Variants in EPHB1 observed in about 807,000 individuals in gnomAD.
EPHB1 encodes the protein ephrin type-B receptor 1.
In EPHB1, 30 loss-of-function variants were observed where a neutral mutation model predicts 94.4. That is an observed-to-expected ratio of 0.32 (90% CI 0.24 to 0.43). The LOEUF (loss-of-function observed/expected upper bound fraction) is 0.43. EPHB1 is among the 20% of genes least tolerant of loss of function. The probability of loss-of-function intolerance (pLI) is 1.00; values close to 1 mark genes in which losing one functional copy is unlikely to be tolerated. For synonymous variants in EPHB1, 522 were observed against 489.1 expected (o/e 1.07, Z -0.89); for missense variants, 1,055 against 1,308.3 (o/e 0.81, Z 2.99).
chr3:134,941,447 G>T (rs1236504560), intron 2 of EPHB1, among the ~76,000 whole-genome samples: 2 of 149,976 alleles, frequency 1.3e-5, no homozygotes, highest in Non-Finnish European at 3.0e-5. Context: ...GTCTTTAGAG[G>T]CACAGAGTGG....
chr3:134,856,198 A>G (rs1037250890), intron 1 of EPHB1, among the ~76,000 whole-genome samples: 5 of 152,104 alleles, frequency 3.3e-5, no homozygotes. Context: ...GGGCTTTGAG[A>G]CGTCTAGACA....
At chr3:134,926,133 C>T (rs36186) in intron 2 of EPHB1, among the ~76,000 whole-genome samples, 1 of 151,952 alleles carries the variant, frequency 6.6e-6, no homozygotes, top group East Asian at 1.9e-4. Flanking sequence ...CTAGGGCCAT[C>T]GCTGTGTGGG....
At chr3:134,857,709 A>G (rs2037153807) in intron 1 of EPHB1, among the ~76,000 whole-genome samples, 2 of 152,128 alleles carry the variant, frequency 1.3e-5, no homozygotes, top group South Asian at 4.1e-4. Context: ...CACCAAGTAC[A>G]TTCCAAGGGT....
chr3:134,963,022 C>G lies in EPHB1; in HGVS notation c.805+10970C>G, dbSNP rs376684117. On this transcript the variant is annotated intron_variant, in intron 3 of 15. Transcript: ENST00000398015. ...ATATGTCTGTTTGGTTTTTGTCCCC[C>G]TGCTCTGTGGCAGCTCTTTCTATCT... 2.0e-5 allele frequency among the ~76,000 whole-genome samples: 3 copies of G among 152,226 alleles called. No individual in the cohort carries two copies. The South Asian group carries it at 6.2e-4, about 32-fold the overall frequency.
chr3:135,014,625 T>C (rs1309840536), intron 3 of EPHB1, among the ~76,000 whole-genome samples: 1 of 152,220 alleles, frequency 6.6e-6, no homozygotes, highest in African/African-American at 2.4e-5. Flanking sequence ...TGGGAAAACA[T>C]GTGTCCTTGT....
At chr3:134,872,396 T>C (rs1247335565) in intron 1 of EPHB1, among the ~76,000 whole-genome samples, 1 of 152,242 alleles carries the variant, frequency 6.6e-6, no homozygotes, top group Non-Finnish European at 1.5e-5. Flanking sequence ...CTATTTCTTA[T>C]AATTTGGATC....
At chr3:135,177,974 G>T (rs749289896) in intron 9 of EPHB1, among the ~76,000 whole-genome samples, 1 of 152,236 alleles carries the variant, frequency 6.6e-6, no homozygotes, top group Non-Finnish European at 1.5e-5. Context: ...CTACATAAAG[G>T]TGAGGATCTC....
chr3:134,885,603 C>T (rs907601173), intron 1 of EPHB1, among the ~76,000 whole-genome samples: 6 of 152,212 alleles, frequency 3.9e-5, no homozygotes, highest in African/African-American at 1.4e-4. Context: ...ACTCCCTAAA[C>T]CAATTTCCTT....
intron 3 of EPHB1, among the ~76,000 whole-genome samples, chr3:135,021,891 T>C (rs925402595): frequency 6.6e-6 from 1 of 152,266 alleles, no homozygotes; most frequent in African/African-American, 2.4e-5. Context: ...GTTGATCAAC[T>C]GACATGAAAT....
At chr3:134,950,948 G>A (rs1226677821) in intron 2 of EPHB1, among the ~76,000 whole-genome samples, 1 of 152,174 alleles carries the variant, frequency 6.6e-6, no homozygotes, top group Non-Finnish European at 1.5e-5. Flanking sequence ...GTTCAAAGAT[G>A]GGGATTTCCA....
intron 3 of EPHB1, among the ~76,000 whole-genome samples, chr3:134,996,282 C>G (rs1934992850): frequency 1.3e-5 from 2 of 152,166 alleles, no homozygotes; most frequent in South Asian, 4.1e-4. Flanking sequence ...CAGCCTCATC[C>G]TCCCAGGCTT....
At chr3:135,181,107 CAG>C (rs1324946936) in intron 10 of EPHB1, among the ~76,000 whole-genome samples, 1 of 152,194 alleles carries the variant, frequency 6.6e-6, no homozygotes, top group Non-Finnish European at 1.5e-5. Context: ...TTAATGCACT[CAG>C]GGGTCAAAAA....
intron 1 of EPHB1, among the ~76,000 whole-genome samples, chr3:134,806,188 T>C (rs961928549): frequency 6.6e-6 from 1 of 152,238 alleles, no homozygotes; most frequent in African/African-American, 2.4e-5. Flanking sequence ...CCTTTGAATA[T>C]GGATTGGCCT....
intron 1 of EPHB1, among the ~76,000 whole-genome samples, chr3:134,833,195 A>T (rs956212506): frequency 6.6e-6 from 1 of 152,190 alleles, no homozygotes; most frequent in Non-Finnish European, 1.5e-5. Flanking sequence ...CAGCGCCCCC[A>T]TAAGTGAGGA....
chr3:134,878,827 C>A (rs943428971), intron 1 of EPHB1, among the ~76,000 whole-genome samples: 2 of 152,128 alleles, frequency 1.3e-5, no homozygotes, highest in Non-Finnish European at 2.9e-5. Context: ...GTAAAACAGT[C>A]ACTATGGTAC....
chr3:135,006,810 T>C lies in EPHB1; in HGVS notation c.805+54758T>C, dbSNP rs550520572. Among the ~76,000 whole-genome samples the C allele has an allele frequency of 1.4e-3, 202 of 146,718 alleles. 1 individual carries two copies. The highest frequency in any genetic ancestry group is 5.0e-3 in the African/African-American group (192 of 38,276). On this transcript the variant is annotated intron_variant, in intron 3 of 15. Coordinates refer to ENST00000398015, the MANE Select transcript of EPHB1 (RefSeq NM_004441.5). Reference sequence around the variant, plus strand: ...AGTGTATGCATTTTAAATTTTGATATATGATGCCAAGTTTTTTTTTTTCAA... The same window carrying C: ...AGTGTATGCATTTTAAATTTTGATACATGATGCCAAGTTTTTTTTTTTCAA...
intron 3 of EPHB1, among the ~76,000 whole-genome samples, chr3:134,963,256 A>G (rs1386713792): frequency 6.6e-6 from 1 of 152,152 alleles, no homozygotes; most frequent in Non-Finnish European, 1.5e-5. Flanking sequence ...ATTTAAAGAA[A>G]AATAATGAAT....
chr3:134,960,002 T>A (rs1364647777), intron 3 of EPHB1, among the ~76,000 whole-genome samples: 1 of 86,642 alleles, frequency 1.2e-5, no homozygotes, highest in South Asian at 3.7e-4. Flanking sequence ...TTTTTTTTTT[T>A]TTTTTTGCAT....
chr3:134,885,052 G>A (rs553893340), intron 1 of EPHB1, among the ~76,000 whole-genome samples: 3 of 152,340 alleles, frequency 2.0e-5, no homozygotes, highest in Non-Finnish European at 2.9e-5. Flanking sequence ...ATGGTGCAAA[G>A]AATTTCTTCT....
Sources: gnomAD v4.1 joint callset for allele counts (sites outside exome capture counted in the v4.1 genomes callset) on GRCh38, gnomAD v4.1.1 for gene constraint, MANE v1.5 for transcripts, NCBI Gene and HGNC (gene_info 2026-07-23, HGNC 2026-07-21) for gene names.